BORCS5: variants seen among roughly 807,000 people sequenced by gnomAD.
BORCS5 encodes the protein BLOC-1 related complex subunit 5.
BORCS5 carries 17 observed loss-of-function variants against 22.1 expected under a neutral mutation model. The ratio of observed to expected loss-of-function variants is 0.77; its 90% CI spans 0.53 to 1.15. The LOEUF (loss-of-function observed/expected upper bound fraction) is 1.15. BORCS5 is among the 50% of genes most tolerant of loss of function. The probability of loss-of-function intolerance (pLI) is 0.00; values close to 1 mark genes in which losing one functional copy is unlikely to be tolerated. For synonymous variants in BORCS5, 117 were observed against 99.8 expected, an observed-to-expected ratio of 1.17 and a Z score of -1.03; for missense variants, 247 against 253.2, an observed-to-expected ratio of 0.98 and a Z score of 0.17.
intron 2 of BORCS5, among the ~76,000 whole-genome samples, chr12:12,378,056 AT>A (rs1393126926): frequency 6.6e-6 from 1 of 152,222 alleles, no homozygotes; most frequent in Admixed American, 6.5e-5. Flanking sequence ...TTGCTCTTTG[AT>A]TTTAAAATAC....
chr12:12,420,483 C>T (rs1215528885), intron 2 of BORCS5, among the ~76,000 whole-genome samples: 1 of 152,098 alleles, frequency 6.6e-6, no homozygotes, highest in African/African-American at 2.4e-5. Context: ...TAGTATGATG[C>T]CTCCAGCTTT....
intron 3 of BORCS5, among the ~76,000 whole-genome samples, chr12:12,447,120 G>A (rs2136140765): frequency 6.6e-6 from 1 of 152,198 alleles, no homozygotes; most frequent in Non-Finnish European, 1.5e-5. Flanking sequence ...TAGATTCTCT[G>A]GAGTCTGTCA....
chr12:12,362,148 C>T (rs1445226232), intron 2 of BORCS5, among the ~76,000 whole-genome samples: 1 of 152,180 alleles, frequency 6.6e-6, no homozygotes, highest in African/African-American at 2.4e-5. Flanking sequence ...AATGCCCCTC[C>T]TCATACACAT....
intron 1 of BORCS5, among the ~76,000 whole-genome samples, chr12:12,358,312 T>A (rs1050683261): frequency 6.6e-6 from 1 of 152,226 alleles, no homozygotes. Context: ...AGTTCTCTGT[T>A]CTTGATAGGA....
In BORCS5 at chr12:12,374,828, C is replaced by T. The variant is rs373756756; in HGVS notation, c.202+13479C>T. On this transcript the variant is annotated intron_variant, in intron 2 of 3. Coordinates refer to ENST00000314565, the MANE Select transcript of BORCS5 (RefSeq NM_058169.6). ...AAAAAATTAACCGGGCGTGGTGGCG[C>T]ACAGCTGTAATCAGCTACTGGGGAG... 2.7e-5 allele frequency among the ~76,000 whole-genome samples: 4 copies of T among 150,896 alleles called. No individual in the cohort carries two copies. In the East Asian group the frequency reaches 8.0e-4, roughly 30 times the overall value.
rs184838438 is a variant in BORCS5, at chr12:12,358,103, A to G, written c.58+594A>G. On this transcript the variant is annotated intron_variant, in intron 1 of 3. Coordinates refer to ENST00000314565, the MANE Select transcript of BORCS5 (RefSeq NM_058169.6). ...TTAGACTTCTCTAAGCGTTTGAGAC[A>G]AGAATGGGAGGATTATTGTGTTTGC... Among the ~76,000 whole-genome samples the G allele has an allele frequency of 6.8e-4, 104 of 152,320 alleles. 6 individuals are homozygous for G. The South Asian group carries it at 0.021, about 30-fold the overall frequency.
At chr12:12,362,083 A>T (rs1863298903) in intron 2 of BORCS5, among the ~76,000 whole-genome samples, 2 of 152,204 alleles carry the variant, frequency 1.3e-5, no homozygotes, top group Non-Finnish European at 2.9e-5. Flanking sequence ...TGGTTTACTT[A>T]ACTTGGTATA....
intron 2 of BORCS5, among the ~76,000 whole-genome samples, chr12:12,420,789 C>G (rs1942099584): frequency 6.6e-6 from 1 of 152,040 alleles, no homozygotes; most frequent in African/African-American, 2.4e-5. Flanking sequence ...AGTTGGATCC[C>G]TAGGTATTTT....
chr12:12,371,790 C>G lies in BORCS5; in HGVS notation c.202+10441C>G, dbSNP rs757475334. Among the ~76,000 whole-genome samples, 19 of 152,156 alleles carry G rather than the reference C, an allele frequency of 1.2e-4. 1 individual carries two copies. Among genetic ancestry groups the G allele is most frequent in the Non-Finnish European group, 2.4e-4 (16 of 68,036 alleles). On this transcript the variant is annotated intron_variant, in intron 2 of 3. Transcript: ENST00000314565. ...TATTTTCTTACACATCACTGACACA[C>G]CTTTCAATTTTTATTTTTAGTCTTT...
chr12:12,427,065 C>T (rs1031922015), intron 2 of BORCS5, among the ~76,000 whole-genome samples: 5 of 152,034 alleles, frequency 3.3e-5, no homozygotes, highest in African/African-American at 1.2e-4. Context: ...AGGAATCAGC[C>T]TTAGAAAGCA....
At chr12:12,380,653 T>C (rs537557257) in intron 2 of BORCS5, among the ~76,000 whole-genome samples, 3 of 151,610 alleles carry the variant, frequency 2.0e-5, no homozygotes, top group East Asian at 3.9e-4. Flanking sequence ...AATTGGTAGG[T>C]TGTATGGTAA....
At chr12:12,408,014 T>C (rs764620788) in intron 2 of BORCS5, among the ~76,000 whole-genome samples, 1 of 152,162 alleles carries the variant, frequency 6.6e-6, no homozygotes, top group Non-Finnish European at 1.5e-5. Flanking sequence ...TGGCCAAATA[T>C]TACTATTCTG....
At chr12:12,406,863 TC>T (rs1219656652) in intron 2 of BORCS5, among the ~76,000 whole-genome samples, 2 of 152,044 alleles carry the variant, frequency 1.3e-5, no homozygotes, top group Non-Finnish European at 2.9e-5. Flanking sequence ...AAGGAAAGAA[TC>T]CCTGAGTGCT....
chr12:12,425,280 A>G (rs190186671), intron 2 of BORCS5, among the ~76,000 whole-genome samples: 46 of 152,328 alleles, frequency 3.0e-4, no homozygotes, highest in Admixed American at 5.9e-4. Flanking sequence ...CAAGCCTTCA[A>G]TAGACTCTAG....
chr12:12,418,213 G>GT (rs534182201), intron 2 of BORCS5, among the ~76,000 whole-genome samples: 4,779 of 136,992 alleles, frequency 0.035, 109 homozygotes, highest in Middle Eastern at 0.075. Flanking sequence ...TTTTTTTTTT[G>GT]TTTTTTTAGT....
intron 2 of BORCS5, among the ~76,000 whole-genome samples, chr12:12,411,734 T>TA (rs1281348668): frequency 5.3e-5 from 8 of 152,218 alleles, no homozygotes; most frequent in Non-Finnish European, 1.0e-4. Flanking sequence ...GAAACTATAG[T>TA]AAAAAACATT....
chr12:12,441,626 T>C (rs749153301), intron 3 of BORCS5, among the ~76,000 whole-genome samples: 3 of 152,168 alleles, frequency 2.0e-5, no homozygotes, highest in Non-Finnish European at 4.4e-5. Context: ...TTGAAATTAC[T>C]TGATACCAGC....
intron 2 of BORCS5, among the ~76,000 whole-genome samples, chr12:12,412,917 T>TA (rs1385539956): frequency 7.3e-6 from 1 of 137,894 alleles, no homozygotes; most frequent in African/African-American, 2.9e-5. Context: ...TTTTTTTTTT[T>TA]TTTTTTTTAT....
chr12:12,369,640 G>A (rs1365202307), intron 2 of BORCS5, among the ~76,000 whole-genome samples: 2 of 143,566 alleles, frequency 1.4e-5, no homozygotes, highest in African/African-American at 5.2e-5. Context: ...AGTTCATTTA[G>A]AATTACTATT....
Sources: gnomAD v4.1 joint callset for allele counts (sites outside exome capture counted in the v4.1 genomes callset) on GRCh38, gnomAD v4.1.1 for gene constraint, MANE v1.5 for transcripts, NCBI Gene and HGNC (gene_info 2026-07-23, HGNC 2026-07-21) for gene names.